OPHN1: variants seen among roughly 807,000 people sequenced by gnomAD.
OPHN1 encodes oligophrenin 1.
OPHN1 carries 11 observed loss-of-function variants against 60.7 expected under a neutral mutation model. That is an observed-to-expected ratio of 0.18 (90% CI 0.11 to 0.30). The LOEUF (loss-of-function observed/expected upper bound fraction) is 0.30, where lower values mean the gene tolerates loss of function less well. OPHN1 is among the 10% of genes least tolerant of loss of function. The pLI, the probability that OPHN1 is intolerant of heterozygous loss-of-function variation, is 1.00. For synonymous variants in OPHN1, 226 were observed against 222.6 expected, an observed-to-expected ratio of 1.02 and a Z score of -0.14; for missense variants, 449 against 611.0, an observed-to-expected ratio of 0.73 and a Z score of 2.80.
chrX:68,176,307 T>C (rs2077413947), intron 15 of OPHN1, among the ~76,000 whole-genome samples: 1 of 111,500 alleles, frequency 9.0e-6, no homozygotes, highest in Non-Finnish European at 1.9e-5. Context: ...GGGTTAATAC[T>C]GAAAATATAT....
chrX:68,433,234 C>T lies in OPHN1; in HGVS notation c.-71G>A. On this transcript the variant is annotated 5_prime_UTR_variant, in exon 1 of 25. Transcript: ENST00000355520. ...CAGAGAACAGGCGCCCCGGCGATGG[C>T]TTCAGGGCCAGGGAGAGCTAACTAT... 2.4e-6 allele frequency: 1 copy of T among 419,735 alleles called. No homozygotes were observed. Among genetic ancestry groups the T allele is most frequent in the Non-Finnish European group, 4.1e-6 (1 of 244,768 alleles). 34.6% of individuals were successfully genotyped at this position (419,735 alleles called of 1,213,427 possible).
chrX:68,217,221 G>A lies in OPHN1; in HGVS notation c.487-3249C>T, dbSNP rs923561556. Among the ~76,000 whole-genome samples, 7 of 112,072 alleles carry A rather than the reference G, an allele frequency of 6.2e-5. No individual in the cohort carries two copies. The East Asian group carries it at 8.6e-4, about 14-fold the overall frequency. On this transcript the variant is annotated intron_variant, in intron 6 of 24. Transcript: ENST00000355520. ...CACCCGAATACTGCGCTTTTCCGAC[G>A]GGCTTAAAAAACGGAGCACCACGAG...
chrX:68,376,022 G>A (rs1478006154), intron 2 of OPHN1, among the ~76,000 whole-genome samples: 1 of 111,588 alleles, frequency 9.0e-6, no homozygotes, highest in Non-Finnish European at 1.9e-5. Context: ...TCAGTCACTG[G>A]ATCTGTGGTT....
intron 22 of OPHN1, 101 bp from the exon 23 acceptor site, chrX:68,052,691 C>T (rs2076857202): frequency 5.5e-6 from 4 of 727,516 alleles, no homozygotes; most frequent in Non-Finnish European, 8.4e-6. Flanking sequence ...AGATGGGACA[C>T]CAATGCCAGC....
At chrX:68,075,528 C>A (rs1199283335) in intron 19 of OPHN1, among the ~76,000 whole-genome samples, 2 of 110,392 alleles carry the variant, frequency 1.8e-5, no homozygotes, top group Non-Finnish European at 3.8e-5. Flanking sequence ...CCTAGAATAG[C>A]CAAAACAATC....
intron 15 of OPHN1, among the ~76,000 whole-genome samples, chrX:68,128,367 T>C (rs1422870993): frequency 1.8e-5 from 2 of 111,460 alleles, no homozygotes; most frequent in Non-Finnish European, 3.8e-5. Flanking sequence ...ATTGATAATG[T>C]TTTTAACATT....
At chrX:68,048,331 G>A in intron 24 of OPHN1, 85 bp downstream of exon 24, 1 of 866,491 alleles carries the variant, frequency 1.2e-6, no homozygotes, top group Non-Finnish European at 1.7e-6. Context: ...TGATCTACAT[G>A]TTATTCCAGT....
At chrX:68,352,504 A>G (rs1410377535) in intron 2 of OPHN1, among the ~76,000 whole-genome samples, 2 of 111,319 alleles carry the variant, frequency 1.8e-5, no homozygotes, top group African/African-American at 6.5e-5. Flanking sequence ...AATGTAAAGA[A>G]ATAGTATCAC....
chrX:68,113,365 C>T, intron 16 of OPHN1, 126 bp from the exon 17 acceptor site: 1 of 539,308 alleles, frequency 1.9e-6, no homozygotes, highest in African/African-American at 2.3e-5. Flanking sequence ...ATACATTTTT[C>T]TCTTCACCTG....
intron 6 of OPHN1, among the ~76,000 whole-genome samples, chrX:68,230,169 A>T (rs1364200171): frequency 8.9e-6 from 1 of 112,063 alleles, no homozygotes; most frequent in Admixed American, 9.5e-5. Context: ...AAAAATGCTC[A>T]TCGTCACTGG....
chrX:68,359,932 A>G (rs1375136722), intron 2 of OPHN1, among the ~76,000 whole-genome samples: 1 of 107,676 alleles, frequency 9.3e-6, no homozygotes, highest in Non-Finnish European at 1.9e-5. Flanking sequence ...TCAAATCACC[A>G]GGCTGAAATG....
chrX:68,350,839 T>C (rs992841152), intron 2 of OPHN1, among the ~76,000 whole-genome samples: 1 of 110,809 alleles, frequency 9.0e-6, no homozygotes, highest in African/African-American at 3.3e-5. Flanking sequence ...AAATGCCAAG[T>C]GTTACTAGGG....
chrX:68,084,265 A>T (rs955545488), intron 19 of OPHN1, among the ~76,000 whole-genome samples: 3 of 102,444 alleles, frequency 2.9e-5, no homozygotes, highest in Non-Finnish European at 4.0e-5. Context: ...ATGAACCCTA[A>T]AAAGAACTTA....
chrX:68,234,523 G>A lies in OPHN1; in HGVS notation c.450C>T (p.His150=), dbSNP rs1156545585. The A allele has an allele frequency of 2.5e-6, 3 of 1,209,980 alleles. No individual in the cohort carries two copies. The South Asian group carries it at 5.3e-5, about 21-fold the overall frequency. The part of the protein sequence containing the change: ...RFYSLLDRHL[H]LSSKKKESQL... ...GAGATTCTTTCTTTTTTGAAGACAG[G>A]TGTAAGTGCCGATCCAGTAAAGAAT... Residue 150 remains histidine (H), a synonymous_variant, in exon 6 of 25, where the codon CAC becomes CAT. Coordinates refer to ENST00000355520, the MANE Select transcript of OPHN1 (RefSeq NM_002547.3).
intron 6 of OPHN1, among the ~76,000 whole-genome samples, chrX:68,214,774 A>G (rs760398255): frequency 1.8e-5 from 2 of 111,754 alleles, no homozygotes; most frequent in African/African-American, 6.5e-5. Flanking sequence ...AGGTGGGTAG[A>G]TCACCTGAGG....
At chrX:68,119,205 C>T (rs770227292) in intron 16 of OPHN1, 43 bp downstream of exon 16, 24 of 993,255 alleles carry the variant, frequency 2.4e-5, no homozygotes, top group Admixed American at 4.4e-5. Flanking sequence ...AGAGAAATTT[C>T]ACCAGCTATG....
rs1462220006 is a variant in OPHN1, at chrX:68,299,043, C to A, written c.208G>T (p.Asp70Tyr). Residue 70 changes from aspartate (D) to tyrosine (Y), a missense_variant, in exon 3 of 25, where the codon GAT becomes TAT. This residue lies in a region of OPHN1 where 99 missense variants were observed against 155.2 expected (regional missense o/e 0.64). Transcript: ENST00000355520. ...TCAGTCAGAGTGTCTCCAATGAAAT[C>A]AAACTGAAATGACTGCAGCGTCTGG... ...FSQTLQSFQF[D>Y]FIGDTLTDDE... 4.2e-6 allele frequency: 5 copies of A among 1,194,894 alleles called. No individual in the cohort carries two copies. In the East Asian group the frequency reaches 1.2e-4, roughly 29 times the overall value.
intron 2 of OPHN1, among the ~76,000 whole-genome samples, chrX:68,321,660 G>T (rs2078235942): frequency 8.9e-6 from 1 of 112,140 alleles, no homozygotes; most frequent in Non-Finnish European, 1.9e-5. Context: ...TAACACGGTG[G>T]CTCATGCCTG....
intron 9 of OPHN1, among the ~76,000 whole-genome samples, chrX:68,207,796 T>C (rs2077566254): frequency 9.0e-6 from 1 of 111,244 alleles, no homozygotes; most frequent in African/African-American, 3.3e-5. Flanking sequence ...GAGGTAGCCA[T>C]ATAATTTCTA....
Sources: gnomAD v4.1 joint callset for allele counts (sites outside exome capture counted in the v4.1 genomes callset) on GRCh38, gnomAD v4.1.1 for gene constraint, gnomAD v4.1.1 regional missense constraint, MANE v1.5 for transcripts, NCBI Gene and HGNC (gene_info 2026-07-23, HGNC 2026-07-21) for gene names.